The following PEPD variants were observed in gnomAD, a reference collection of about 807,000 sequenced individuals.
PEPD encodes the protein peptidase D.
In PEPD, 53 loss-of-function variants were observed where a neutral mutation model predicts 60.7. That is an observed-to-expected ratio of 0.87 (90% CI 0.70 to 1.10). The LOEUF is 1.10. Among genes scored for constraint, PEPD ranks in the 50% least tolerant of loss-of-function variants. The pLI is 0.00. For synonymous variants in PEPD, 267 were observed against 284.1 expected (o/e 0.94, Z 0.60); for missense variants, 711 against 711.9 (o/e 1.00, Z 0.01).
chr19:33,404,932 G>A (rs969855862), intron 11 of PEPD, among the ~76,000 whole-genome samples: 3 of 152,176 alleles, frequency 2.0e-5, no homozygotes, highest in African/African-American at 4.8e-5. Flanking sequence ...GCTCCTCTGC[G>A]TCCACTTCAT....
intron 9 of PEPD, among the ~76,000 whole-genome samples, chr19:33,461,403 C>A (rs1969924197): frequency 6.6e-6 from 1 of 152,070 alleles, no homozygotes; most frequent in African/African-American, 2.4e-5. Flanking sequence ...GCCCATGCAG[C>A]CCTGTCCCCA....
chr19:33,435,028 C>G (rs374098259), intron 9 of PEPD, among the ~76,000 whole-genome samples: 2 of 152,092 alleles, frequency 1.3e-5, no homozygotes, highest in Non-Finnish European at 2.9e-5. Flanking sequence ...AAGTGTGAGC[C>G]GGAATGCGAT....
chr19:33,432,836 C>T lies in PEPD; in HGVS notation c.672-19193G>A, dbSNP rs753213830. ...CGCATGGCAAAGTTGGAAGCTTTGG[C>T]GCTTCCGGGCTCCCAGTACCCACAG... On this transcript the variant is annotated intron_variant, in intron 9 of 14. Transcript: ENST00000244137. 1.1e-4 allele frequency among the ~76,000 whole-genome samples: 17 copies of T among 152,356 alleles called. No individual in the cohort carries two copies. In the South Asian group the frequency reaches 2.7e-3, roughly 24 times the overall value.
At chr19:33,459,771 C>G (rs1969892978) in intron 9 of PEPD, among the ~76,000 whole-genome samples, 2 of 152,098 alleles carry the variant, frequency 1.3e-5, no homozygotes, top group South Asian at 4.2e-4. Flanking sequence ...GCCACCATCG[C>G]TTGAGTCCTG....
chr19:33,469,176 G>A (rs1347756371), intron 7 of PEPD, among the ~76,000 whole-genome samples: 2 of 152,080 alleles, frequency 1.3e-5, no homozygotes, highest in Non-Finnish European at 2.9e-5. Flanking sequence ...GCCTTCATTC[G>A]GCTTAGATCC....
chr19:33,419,044 C>T (rs1212405928), intron 9 of PEPD, among the ~76,000 whole-genome samples: 1 of 152,206 alleles, frequency 6.6e-6, no homozygotes, highest in Non-Finnish European at 1.5e-5. Context: ...GAGCTCCTCA[C>T]TCCCTCTTCC....
chr19:33,441,267 A>G (rs902254216), intron 9 of PEPD, among the ~76,000 whole-genome samples: 3 of 152,178 alleles, frequency 2.0e-5, no homozygotes, highest in Non-Finnish European at 4.4e-5. Context: ...CTTTCGGGTG[A>G]GGCTGGCCTT....
chr19:33,428,977 T>C (rs754795138), intron 9 of PEPD, among the ~76,000 whole-genome samples: 1 of 152,178 alleles, frequency 6.6e-6, no homozygotes, highest in Non-Finnish European at 1.5e-5. Context: ...GATCTAGCCC[T>C]GTGTTCACTC....
In PEPD at chr19:33,491,652, C is replaced by T. The variant is rs961155593; in HGVS notation, c.442-1595G>A. Among the ~76,000 whole-genome samples the T allele has an allele frequency of 1.2e-4, 18 of 152,274 alleles. No individual in the cohort carries two copies. In the East Asian group the frequency reaches 2.5e-3, roughly 21 times the overall value. ...TGTGTCCGGTTTCCACTGCCTGGAA[C>T]GGGACCCCACATTCTGTATTTGTCC... On this transcript the variant is annotated intron_variant, in intron 5 of 14. Coordinates refer to ENST00000244137, the MANE Select transcript of PEPD (RefSeq NM_000285.4).
chr19:33,422,723 T>C (rs1969048527), intron 9 of PEPD, among the ~76,000 whole-genome samples: 1 of 151,640 alleles, frequency 6.6e-6, no homozygotes, highest in African/African-American at 2.4e-5. Context: ...CATCTATCCA[T>C]CCATCCCTCT....
At chr19:33,398,509 G>A (rs532513390) in intron 12 of PEPD, among the ~76,000 whole-genome samples, 59 of 152,346 alleles carry the variant, frequency 3.9e-4, no homozygotes, top group African/African-American at 1.3e-3. Flanking sequence ...TGTGCCCGGC[G>A]GAGGGCTCTC....
chr19:33,387,885 C>A lies in PEPD; in HGVS notation c.1344+5G>T, dbSNP rs754233307. 3.9e-6 allele frequency: 6 copies of A among 1,557,862 alleles called. No individual in the cohort carries two copies. The African/African-American group carries it at 6.8e-5, about 18-fold the overall frequency. On this transcript the variant is annotated splice_donor_5th_base_variant and intron_variant, in intron 14 of 14. Transcript: ENST00000244137. The stretch of plus-strand genomic sequence containing the variant: ...GGAGCAAGAATGGGGCCCGTGGGCA[C>A]TCACCCCGCCAAAACCGCGAAAGCG...
intron 11 of PEPD, among the ~76,000 whole-genome samples, chr19:33,408,183 C>T (rs186198118): frequency 2.0e-5 from 3 of 152,330 alleles, no homozygotes; most frequent in East Asian, 1.9e-4. Flanking sequence ...ACTTTTGGGT[C>T]GAAGACACGG....
At chr19:33,484,561 A>G (rs1225648290) in intron 6 of PEPD, among the ~76,000 whole-genome samples, 1 of 152,184 alleles carries the variant, frequency 6.6e-6, no homozygotes, top group Non-Finnish European at 1.5e-5. Context: ...CTGTATATGC[A>G]CACACACAGA....
chr19:33,520,367 G>A (rs950726903), intron 1 of PEPD, among the ~76,000 whole-genome samples: 2 of 152,218 alleles, frequency 1.3e-5, no homozygotes, highest in African/African-American at 2.4e-5. Context: ...GACTTTGTCT[G>A]CACTGTTCTC....
intron 5 of PEPD, 88 bp downstream of exon 5, chr19:33,493,202 T>C (rs1275611739): frequency 6.4e-6 from 6 of 943,096 alleles, no homozygotes; most frequent in Non-Finnish European, 1.0e-5. Flanking sequence ...TCCTCCCCTA[T>C]GGGCCCGACC....
intron 9 of PEPD, among the ~76,000 whole-genome samples, chr19:33,421,695 A>G (rs924721943): frequency 1.3e-5 from 2 of 151,884 alleles, no homozygotes; most frequent in African/African-American, 4.8e-5. Flanking sequence ...GAGTCTCGCT[A>G]CGTTGCCCAG....
intron 9 of PEPD, among the ~76,000 whole-genome samples, chr19:33,419,619 G>A (rs1968968756): frequency 6.6e-6 from 1 of 152,218 alleles, no homozygotes; most frequent in Non-Finnish European, 1.5e-5. Context: ...AGTAGGTGGG[G>A]GCTGGAACAG....
intron 13 of PEPD, among the ~76,000 whole-genome samples, chr19:33,391,070 C>T (rs914543100): frequency 1.3e-5 from 2 of 152,112 alleles, no homozygotes; most frequent in African/African-American, 2.4e-5. Context: ...CAGACAGCAC[C>T]GCCTCTATGT....
Sources: allele counts gnomAD v4.1 joint callset (sites outside exome capture counted in the v4.1 genomes callset), GRCh38; gene constraint gnomAD v4.1.1; transcripts MANE v1.5; gene names NCBI Gene and HGNC (gene_info 2026-07-23, HGNC 2026-07-21).